The following DMTN variants were observed in gnomAD, a reference collection of about 807,000 sequenced individuals.
DMTN encodes the protein dematin.
In DMTN, 27 loss-of-function variants were observed where a neutral mutation model predicts 59.4. That is an observed-to-expected ratio of 0.45 (90% CI 0.33 to 0.63). The LOEUF is 0.63. Among genes scored for constraint, DMTN ranks in the 20% least tolerant of loss-of-function variants. The pLI is 0.02. For missense variants in DMTN, 451 were observed against 528.9 expected, an observed-to-expected ratio of 0.85 and a Z score of 1.45; for synonymous variants, 221 against 203.7, an observed-to-expected ratio of 1.08 and a Z score of -0.72.
At chr8:22,049,153 G>A (rs1801059429), upstream of DMTN, 1 of 148,894 alleles carries the variant, frequency 6.7e-6, no homozygotes, top group African/African-American at 2.5e-5. Context: ...AGGGCCCTGC[G>A]GAGCCCGGCG....
intron 12 of DMTN, 21 bp downstream of exon 12, chr8:22,080,481 C>T: frequency 6.2e-7 from 1 of 1,614,198 alleles, no homozygotes. Context: ...GGGCCTGGTG[C>T]CGGGGTCTGG....
Position 22,058,914 on chromosome 8 carries a change from C to T in DMTN, c.-172+1778C>T, listed in dbSNP as rs1053137162. Among the ~76,000 whole-genome samples, 1 of 152,190 alleles carries T rather than the reference C, an allele frequency of 6.6e-6. No homozygotes were observed. The highest frequency in any genetic ancestry group is 2.4e-5 in the African/African-American group (1 of 41,466). On this transcript the variant is annotated intron_variant, in intron 1 of 15. Coordinates refer to ENST00000358242, the MANE Select transcript of DMTN (RefSeq NM_001387751.1). This position sits in a 1 kb window ranked among gnomAD's most constrained non-coding sequence, Gnocchi z 4.3. ...GCCTCAGCCTCCTGGTGTCCTTTTC[C>T]AGTGGCGGGGGGGTGCGGGGAGCAA...
rs149654747 is a variant in DMTN, at chr8:22,067,678, G to T, written c.245G>T (p.Arg82Leu). ...GAACACGTGGAGCTGCCTCGCAGCC[G>T]CGAGGTGAGGGGGCTCCTCTTGGGC... ...LLEHVELPRS[R>L]ERSLSPKSTS... is the part of the protein sequence containing the mutation. The change falls in exon 4 of 16, where the codon CGC becomes CTC. Residue 82 changes from arginine (R) to leucine (L), a missense_variant. By Grantham distance (102) the Arg-to-Leu change is moderately radical (BLOSUM62 -2). Transcript: ENST00000358242. 2.5e-6 allele frequency: 4 copies of T among 1,613,692 alleles called. No homozygotes were observed. The highest frequency in any genetic ancestry group is 1.7e-5 in the Admixed American group (1 of 60,020).
chr8:22,056,034 C>T (rs959791665), upstream of DMTN, among the ~76,000 whole-genome samples: 2 of 152,194 alleles, frequency 1.3e-5, no homozygotes, highest in Admixed American at 1.3e-4. Flanking sequence ...TGTCCTTCCC[C>T]ATCCTGCCCA....
chr8:22,066,772 C>G lies in DMTN; in HGVS notation c.-104C>G. On this transcript the variant is annotated 5_prime_UTR_variant, in exon 2 of 16. Coordinates refer to ENST00000358242, the MANE Select transcript of DMTN (RefSeq NM_001387751.1). ...GGGAACGCGCCAGCTGCTTTCGCGG[C>G]CCCAAGCGCGCAGCGCCCAGCAGCC... is the stretch of plus-strand genomic sequence containing the variant. 7.8e-7 allele frequency: 1 copy of G among 1,289,228 alleles called. No individual in the cohort carries two copies. The highest frequency in any genetic ancestry group is 1.0e-6 in the Non-Finnish European group (1 of 991,414). The allele number at this position is 1,289,228 out of a possible 1,614,324, so 79.9% of individuals were successfully genotyped here. A position where few individuals can be genotyped will look rare whatever the true frequency, so the allele number is the denominator to read the frequency against.
upstream of DMTN, among the ~76,000 whole-genome samples, chr8:22,056,313 G>C (rs112043336): frequency 0.011 from 1,698 of 152,282 alleles, 11 homozygotes; most frequent in Middle Eastern, 0.014. Context: ...ACCCTCCCAG[G>C]AGAGAGCTCA....
At chr8:22,075,659 C>T (rs527335737) in intron 10 of DMTN, among the ~76,000 whole-genome samples, 1 of 151,946 alleles carries the variant, frequency 6.6e-6, no homozygotes, top group East Asian at 1.9e-4. Context: ...CCTGGGACTA[C>T]AGGCACACAC....
upstream of DMTN, among the ~76,000 whole-genome samples, chr8:22,053,962 G>A (rs1801653094): frequency 6.6e-6 from 1 of 152,156 alleles, no homozygotes; most frequent in African/African-American, 2.4e-5. Context: ...CTGGCCTTGA[G>A]AGGTCAGAGG....
Position 22,081,504 on chromosome 8 carries a change from G to C in DMTN, c.*41G>C, listed in dbSNP as rs1183332754. ...CCGGGACGGCCCCCTTACCCCTGCTGCTTCAGGGTTTTTCCCCGGCGGGTT... is the reference window on the plus strand; with the variant it reads ...CCGGGACGGCCCCCTTACCCCTGCTCCTTCAGGGTTTTTCCCCGGCGGGTT... On this transcript the variant is annotated 3_prime_UTR_variant, in exon 16 of 16. Coordinates refer to ENST00000358242, the MANE Select transcript of DMTN (RefSeq NM_001387751.1). 2 of 1,576,874 alleles carry C rather than the reference G, an allele frequency of 1.3e-6. No individual in the cohort carries two copies. The highest frequency in any genetic ancestry group is 2.2e-5 in the South Asian group (2 of 90,220).
intron 1 of DMTN, chr8:22,057,841 C>G (rs1803558238): frequency 6.6e-6 from 1 of 152,330 alleles, no homozygotes; most frequent in Non-Finnish European, 1.5e-5. Flanking sequence ...GCAGACACAC[C>G]CAGTGTGTCC....
rs1824569065 is a variant in DMTN at position 22,082,104 on chromosome 8, A to T, written c.*641A>T. On this transcript the variant is annotated 3_prime_UTR_variant, in exon 16 of 16. Transcript: ENST00000358242. ...AGGGTGGAGATGCCGCCTACACACG[A>T]TCCTGGCCCTCCACCTGCCTCCAGG... 2.2e-6 allele frequency: 1 copy of T among 456,336 alleles called. No individual in the cohort carries two copies. Among genetic ancestry groups the T allele is most frequent in the Non-Finnish European group, 4.4e-6 (1 of 226,792 alleles). 28.3% of individuals were successfully genotyped at this position (456,336 alleles called of 1,614,324 possible).
At chr8:22,068,067 G>A (rs933387258) in intron 4 of DMTN, among the ~76,000 whole-genome samples, 9 of 152,174 alleles carry the variant, frequency 5.9e-5, no homozygotes, top group Admixed American at 3.3e-4. Flanking sequence ...GCCCATCCAC[G>A]CGCAAGGTAG....
chr8:22,075,317 CCTT>C lies in DMTN; in HGVS notation c.835+1495_835+1497del, dbSNP rs1303090457. On this transcript the variant is annotated intron_variant, in intron 10 of 15. Coordinates refer to ENST00000358242, the MANE Select transcript of DMTN (RefSeq NM_001387751.1). Reference sequence around the variant, plus strand: ...GCTAGACCCTCCTCCTCCCCCTCCCCCTTCTTCTTCTTCTTTCTTCTTTTTTCT... The same window carrying C: ...GCTAGACCCTCCTCCTCCCCCTCCCCCTTCTTCTTCTTTCTTCTTTTTTCT... 1.1e-4 allele frequency among the ~76,000 whole-genome samples: 16 copies of C among 151,834 alleles called. No homozygotes were observed. In the South Asian group the frequency reaches 1.5e-3, roughly 14 times the overall value.
chr8:22,056,560 G>A (rs1160470745), upstream of DMTN, among the ~76,000 whole-genome samples: 1 of 152,184 alleles, frequency 6.6e-6, no homozygotes, highest in Non-Finnish European at 1.5e-5. Context: ...CTCTGGGTGC[G>A]TGTGGGTGTG....
Position 22,066,731 on chromosome 8 carries a change from G to A in DMTN, c.-145G>A. 1 of 890,104 alleles carries A rather than the reference G, an allele frequency of 1.1e-6. No individual in the cohort carries two copies. The highest frequency in any genetic ancestry group is 1.5e-6 in the Non-Finnish European group (1 of 667,852). 55.1% of individuals were successfully genotyped at this position (890,104 alleles called of 1,614,324 possible). On this transcript the variant is annotated 5_prime_UTR_variant, in exon 2 of 16. Coordinates refer to ENST00000358242, the MANE Select transcript of DMTN (RefSeq NM_001387751.1). ...CTGGAGAGTCACCGCCGAGGGATGA[G>A]GACGCGCCAGCCCGGGGGAACGCGC...
intron 10 of DMTN, among the ~76,000 whole-genome samples, chr8:22,078,405 A>T (rs1205479847): frequency 1.3e-5 from 2 of 149,104 alleles, no homozygotes; most frequent in African/African-American, 4.9e-5. Flanking sequence ...ACATATATTC[A>T]TATATATGTA....
rs1310462254 is a variant in DMTN at position 22,067,520 on chromosome 8, C to G, written c.94-7C>G. On this transcript the variant is annotated splice_polypyrimidine_tract_variant and splice_region_variant and intron_variant, in intron 3 of 15. Coordinates refer to ENST00000358242, the MANE Select transcript of DMTN (RefSeq NM_001387751.1). ...CACAGCAGTTTCACGCGCACCTTTC[C>G]CTTCAGGCCAAGATGGACAATCAGG... The G allele has an allele frequency of 1.9e-6, 3 of 1,614,158 alleles. No homozygotes were observed. The highest frequency in any genetic ancestry group is 2.5e-6 in the Non-Finnish European group (3 of 1,180,004).
intron 10 of DMTN, among the ~76,000 whole-genome samples, chr8:22,079,265 A>ATATATATATAT (rs1822177121): frequency 1.0e-4 from 2 of 19,598 alleles, no homozygotes; most frequent in African/African-American, 2.5e-4. Context: ...AAAATAAATA[A>ATATATATATAT]ATAAATAAAT....
At chr8:22,071,553 C>T (rs1815522607) in intron 8 of DMTN, among the ~76,000 whole-genome samples, 1 of 151,926 alleles carries the variant, frequency 6.6e-6, no homozygotes, top group Admixed American at 6.6e-5. Flanking sequence ...CACCACCACA[C>T]CTGGCTAATT....
Sources: allele counts gnomAD v4.1 joint callset (sites outside exome capture counted in the v4.1 genomes callset), GRCh38; gene constraint gnomAD v4.1.1; non-coding constraint Gnocchi (gnomAD v3.1); transcripts MANE v1.5; gene names NCBI Gene and HGNC (gene_info 2026-07-23, HGNC 2026-07-21).